YTHDC2: variants seen among roughly 807,000 people sequenced by gnomAD.
YTHDC2 encodes the protein 3'-5' RNA helicase YTHDC2.
In YTHDC2, 45 loss-of-function variants were observed where a neutral mutation model predicts 174.9. The ratio of observed to expected loss-of-function variants is 0.26; its 90% confidence interval spans 0.20 to 0.33. The LOEUF (loss-of-function observed/expected upper bound fraction) is 0.33, where lower values mean the gene tolerates loss of function less well. Ranked by LOEUF, YTHDC2 falls within the 10% of genes least tolerant of loss-of-function variation. The probability of loss-of-function intolerance (pLI) is 1.00; values close to 1 mark genes in which losing one functional copy is unlikely to be tolerated. For synonymous variants in YTHDC2, 657 were observed against 574.5 expected (o/e 1.14, Z -2.05); for missense variants, 1,650 against 1,723.7 (o/e 0.96, Z 0.76).
In YTHDC2 at chr5:113,530,581, C is replaced by G. The variant is rs1774587091; in HGVS notation, c.676-2298C>G. On this transcript the variant is annotated intron_variant, in intron 4 of 29. Coordinates refer to ENST00000161863, the MANE Select transcript of YTHDC2 (RefSeq NM_022828.5). Reference sequence around the variant, plus strand: ...CTCCCTCCTGTCCCTTGTATCATTGCTGTCATTCATTTCACTTATATGTAA... The same window carrying G: ...CTCCCTCCTGTCCCTTGTATCATTGGTGTCATTCATTTCACTTATATGTAA... Among the ~76,000 whole-genome samples, 5 of 152,072 alleles carry G rather than the reference C, an allele frequency of 3.3e-5. No homozygotes were observed. The South Asian group carries it at 1.0e-3, about 32-fold the overall frequency.
intron 23 of YTHDC2, among the ~76,000 whole-genome samples, chr5:113,573,903 A>G (rs1013251607): frequency 3.1e-4 from 47 of 152,148 alleles, no homozygotes; most frequent in African/African-American, 8.7e-4. Context: ...TTGGGTTACA[A>G]TATGCTTCTT....
chr5:113,532,825 T>C, intron 4 of YTHDC2, 54 bp from the exon 5 acceptor site: 1 of 1,501,110 alleles, frequency 6.7e-7, no homozygotes, highest in Admixed American at 2.1e-5. Flanking sequence ...TTCACTTAGA[T>C]TTTTTGTATT....
intron 23 of YTHDC2, among the ~76,000 whole-genome samples, chr5:113,569,252 A>G (rs1777560403): frequency 1.3e-5 from 2 of 152,180 alleles, no homozygotes. Flanking sequence ...GACCTTTGTC[A>G]GATGGATAGA....
At chr5:113,517,683 G>A (rs79674506) in intron 2 of YTHDC2, 6,371 of 410,916 alleles carry the variant, frequency 0.016, 375 homozygotes, top group African/African-American at 0.12. Context: ...AAATACCCTA[G>A]CTCCTTCTCT....
Position 113,586,853 on chromosome 5 carries a change from ATCTC to A in YTHDC2, c.3825+2392_3825+2395del, listed in dbSNP as rs367950987. The stretch of plus-strand genomic sequence containing the variant: ...TATTGGACTCTTCAGTTTCATTAAT[ATCTC>A]TCTCTCTCTCTCTCTCTATATATAT... On this transcript the variant is annotated intron_variant, in intron 26 of 29. Coordinates refer to ENST00000161863, the MANE Select transcript of YTHDC2 (RefSeq NM_022828.5). Among the ~76,000 whole-genome samples, 166 of 126,132 alleles carry A rather than the reference ATCTC, an allele frequency of 1.3e-3. 2 individuals carry two copies. Among genetic ancestry groups the A allele is most frequent in the Middle Eastern group, 4.2e-3 (1 of 238 alleles). The allele number at this position is 126,132 out of a possible 152,430, so 82.7% of individuals were successfully genotyped here. A position where few individuals can be genotyped will look rare whatever the true frequency, so the allele number is the denominator to read the frequency against.
chr5:113,568,108 A>G (rs113740774), intron 23 of YTHDC2, among the ~76,000 whole-genome samples: 5 of 152,182 alleles, frequency 3.3e-5, no homozygotes, highest in African/African-American at 1.2e-4. Context: ...TTCCACTTGA[A>G]TTTAAATGAT....
At chr5:113,570,322 C>T (rs984677410) in intron 23 of YTHDC2, among the ~76,000 whole-genome samples, 30 of 152,066 alleles carry the variant, frequency 2.0e-4, no homozygotes, top group African/African-American at 7.0e-4. Context: ...ATCTTGAACT[C>T]CAGACCTCAA....
chr5:113,515,791 CAAAG>C (rs1469696887), intron 2 of YTHDC2, among the ~76,000 whole-genome samples: 2 of 152,126 alleles, frequency 1.3e-5, no homozygotes, highest in Non-Finnish European at 2.9e-5. Flanking sequence ...AATGACAAGA[CAAAG>C]GAAAAGGACT....
intron 2 of YTHDC2, among the ~76,000 whole-genome samples, chr5:113,517,953 A>G (rs975918124): frequency 6.6e-6 from 1 of 151,812 alleles, no homozygotes; most frequent in African/African-American, 2.4e-5. Flanking sequence ...CAGTGGTACA[A>G]TCTCGGCTCA....
chr5:113,548,707 T>C, intron 11 of YTHDC2, 40 bp downstream of exon 11: 4 of 1,543,110 alleles, frequency 2.6e-6, no homozygotes, highest in Non-Finnish European at 3.5e-6. Context: ...TATCTTTGTA[T>C]AGCTACACAT....
chr5:113,542,470 G>C lies in YTHDC2; in HGVS notation c.1462G>C (p.Val488Leu), dbSNP rs1322084893. 4 of 1,607,476 alleles carry C rather than the reference G, an allele frequency of 2.5e-6. No homozygotes were observed. The highest frequency in any genetic ancestry group is 3.4e-6 in the Non-Finnish European group (4 of 1,178,294). Reference protein sequence around the residue: ...LHKDIDAFAQVFHLILTENVS... With the variant: ...LHKDIDAFAQLFHLILTENVS... ...TAAAGATATTGATGCCTTTGCTCAG[G>C]TCTTTCATCTCATTTTAACTGAAAA... Residue 488 changes from valine (V) to leucine (L), a missense_variant, in exon 10 of 30, where the codon GTC (valine) becomes CTC (leucine). This residue lies in a region of YTHDC2 where 411 missense variants were observed against 380.6 expected (regional missense o/e 1.08). Coordinates refer to ENST00000161863, the MANE Select transcript of YTHDC2 (RefSeq NM_022828.5).
chr5:113,547,167 A>T (rs1211961547), intron 10 of YTHDC2, among the ~76,000 whole-genome samples: 1 of 152,204 alleles, frequency 6.6e-6, no homozygotes, highest in Admixed American at 6.5e-5. Context: ...ACATTTATTC[A>T]TACCCTTCTG....
intron 17 of YTHDC2, among the ~76,000 whole-genome samples, chr5:113,558,094 A>G (rs1776733149): frequency 6.6e-6 from 1 of 152,218 alleles, no homozygotes. Flanking sequence ...AGGGGGAGGC[A>G]TTTCTAAAAG....
intron 28 of YTHDC2, 45 bp downstream of exon 28, chr5:113,592,223 G>A (rs1398147484): frequency 1.3e-6 from 2 of 1,514,236 alleles, no homozygotes; most frequent in Non-Finnish European, 8.9e-7. Context: ...GTTTCTGTTT[G>A]TTTTCTGTTA....
intron 9 of YTHDC2, among the ~76,000 whole-genome samples, chr5:113,542,082 C>G (rs1326513329): frequency 6.6e-6 from 1 of 152,134 alleles, no homozygotes; most frequent in Admixed American, 6.5e-5. Context: ...AACTACTGAT[C>G]TGTATGTGCA....
chr5:113,567,189 T>C lies in YTHDC2; in HGVS notation c.2940T>C (p.Tyr980=). 6.2e-7 allele frequency: 1 copy of C among 1,613,810 alleles called. No homozygotes were observed. Among genetic ancestry groups the C allele is most frequent in the Non-Finnish European group, 8.5e-7 (1 of 1,179,912 alleles). The change falls in exon 22 of 30, where the codon TAT becomes TAC. Residue 980 remains tyrosine, a synonymous_variant. Coordinates refer to ENST00000161863, the MANE Select transcript of YTHDC2 (RefSeq NM_022828.5). ...AAGCTGCATTGGTGGCAGGCATGTA[T>C]CCTAATTTAGTCCACGTGGACAGAG... ...VVKAALVAGM[Y]PNLVHVDREN... is the part of the protein sequence containing the mutation.
In YTHDC2 at chr5:113,526,720, A is replaced by G. The variant is rs1446369438; in HGVS notation, c.610A>G (p.Lys204Glu). ...GTTTGAGAAACAGGAAGAAATTGTT[A>G]AAATAATTAAGGAAAATAAAGTAGT... Reference protein sequence around the residue: ...PVFEKQEEIVKIIKENKVVLI... With the variant: ...PVFEKQEEIVEIIKENKVVLI... Residue 204 changes from lysine to glutamate, a missense_variant, in exon 4 of 30, where the codon AAA (lysine) becomes GAA (glutamate). Lys to Glu is a moderately conservative substitution (Grantham distance 56). Around this residue, in one of 5 missense-constraint regions of YTHDC2, gnomAD observed 304 missense variants for 341.4 expected, o/e 0.89. Coordinates refer to ENST00000161863, the MANE Select transcript of YTHDC2 (RefSeq NM_022828.5). 6.3e-7 allele frequency: 1 copy of G among 1,581,346 alleles called. No homozygotes were observed. The highest frequency in any genetic ancestry group is 1.4e-5 in the African/African-American group (1 of 73,412).
chr5:113,592,811 A>T (rs2112831969), intron 28 of YTHDC2: 1 of 152,538 alleles, frequency 6.6e-6, no homozygotes, highest in Admixed American at 6.5e-5. Context: ...TTTCATTTTT[A>T]TTCTATAATA....
chr5:113,548,432 A>G, intron 10 of YTHDC2, 109 bp from the exon 11 acceptor site: 1 of 1,080,608 alleles, frequency 9.3e-7, no homozygotes, highest in Non-Finnish European at 1.3e-6. Flanking sequence ...AGCAACTCTC[A>G]GGCTAATTAT....
Sources: gnomAD v4.1 joint callset for allele counts (sites outside exome capture counted in the v4.1 genomes callset) on GRCh38, gnomAD v4.1.1 for gene constraint, gnomAD v4.1.1 regional missense constraint, MANE v1.5 for transcripts, NCBI Gene and HGNC (gene_info 2026-07-23, HGNC 2026-07-21) for gene names.